The following HTR3C variants were observed in gnomAD, a reference collection of about 807,000 sequenced individuals.
HTR3C encodes 5-HT3-C.
HTR3C carries 32 observed loss-of-function variants against 40.5 expected under a neutral mutation model. The observed-to-expected ratio is 0.79, with a 90% CI of 0.60 to 1.06. The LOEUF is 1.06. HTR3C is among the 50% of genes least tolerant of loss of function. The pLI is 0.00. For missense variants in HTR3C, 523 were observed against 556.8 expected, an observed-to-expected ratio of 0.94 and a Z score of 0.61; for synonymous variants, 209 against 217.1, an observed-to-expected ratio of 0.96 and a Z score of 0.33.
rs1362486690 is a variant in HTR3C at position 184,060,285 on chromosome 3, T to C, written c.1277T>C (p.Leu426Pro). The C allele has an allele frequency of 6.2e-7, 1 of 1,614,146 alleles. No homozygotes were observed. The highest frequency in any genetic ancestry group is 8.5e-7 in the Non-Finnish European group (1 of 1,180,030). ...TTCAGCCACGCGATGGACACCCTGC[T>C]CTTCCGCCTCTACCTGCTCTTCATG... Reference protein sequence around the residue: ...VQFSHAMDTLLFRLYLLFMAS... With the variant: ...VQFSHAMDTLPFRLYLLFMAS... The change falls in exon 9 of 9, where the codon CTC becomes CCC. Residue 426 changes from leucine (L) to proline (P), a missense_variant. Transcript: ENST00000318351.
At position 184,059,607 on chromosome 3, in the gene HTR3C, G is replaced by A. The variant is rs1349135932; in HGVS notation, c.892G>A (p.Asp298Asn). Residue 298 changes from aspartate to asparagine, a missense_variant, in exon 7 of 9, where the codon GAC (aspartate) becomes AAC (asparagine). Transcript: ENST00000318351. ...GYNVFLLMMN[D>N]LLPASGTPLI... ...CAACGTCTTCCTGCTCATGATGAAT[G>A]ACTTGCTCCCTGCCAGTGGCACCCC... The A allele has an allele frequency of 6.2e-7, 1 of 1,614,096 alleles. No homozygotes were observed. The highest frequency in any genetic ancestry group is 1.1e-5 in the South Asian group (1 of 91,062).
intron 1 of HTR3C, among the ~76,000 whole-genome samples, chr3:184,054,316 G>T (rs964191551): frequency 6.6e-6 from 1 of 152,182 alleles, no homozygotes; most frequent in Non-Finnish European, 1.5e-5. Flanking sequence ...CTAAGAGTTA[G>T]AGAGAGAAAT....
chr3:184,054,598 T>C, intron 1 of HTR3C, 123 bp from the exon 2 acceptor site: 2 of 774,324 alleles, frequency 2.6e-6, no homozygotes, highest in East Asian at 3.0e-5. Flanking sequence ...CCTTGGGGAG[T>C]CTTGGCATGG....
intron 1 of HTR3C, among the ~76,000 whole-genome samples, chr3:184,053,841 G>T (rs1246026159): frequency 6.6e-6 from 1 of 152,146 alleles, no homozygotes; most frequent in Admixed American, 6.5e-5. Context: ...TGCAACCTCC[G>T]CCTCTCGGGT....
intron 2 of HTR3C, 124 bp from the exon 3 acceptor site, chr3:184,055,188 A>G: frequency 1.4e-6 from 1 of 739,712 alleles, no homozygotes; most frequent in Non-Finnish European, 2.4e-6. Flanking sequence ...GAGTGAGGAA[A>G]AGACAATTCA....
Position 184,059,828 on chromosome 3 carries a change from GTGTCTACTTCGCCCTGTGCC to G in HTR3C, c.931_950del (p.Tyr311ProfsTer28), listed in dbSNP as rs1414146732. On this transcript the variant is annotated frameshift_variant and splice_region_variant, in exon 8 of 9. Coordinates refer to ENST00000318351, the MANE Select transcript of HTR3C (RefSeq NM_130770.3). LOFTEE classifies it high-confidence loss of function. The stretch of plus-strand genomic sequence containing the variant: ...TATTTATAATTTGCTCTGCCCTCAG[GTGTCTACTTCGCCCTGTGCC>G]TGTCCCTGATGGTGGTCAGCCTGCT... 6.2e-7 allele frequency: 1 copy of G among 1,614,018 alleles called. No individual in the cohort carries two copies. Among genetic ancestry groups the G allele is most frequent in the Non-Finnish European group, 8.5e-7 (1 of 1,179,982 alleles).
chr3:184,058,530 C>G lies in HTR3C; in HGVS notation c.663C>G (p.Asn221Lys). ...GGGAGTGGGAGCTCTTGGGCATCAA[C>G]AAGGCCACCCCAAAGATGTCCATGG... ...TQGEWELLGI[N>K]KATPKMSMGN... Residue 221 changes from asparagine (N) to lysine (K), a missense_variant, in exon 6 of 9, where the codon AAC (asparagine) becomes AAG (lysine). By Grantham distance (94) the Asn-to-Lys change is moderately conservative. Transcript: ENST00000318351. 6.2e-7 allele frequency: 1 copy of G among 1,613,666 alleles called. No individual in the cohort carries two copies. The highest frequency in any genetic ancestry group is 8.5e-7 in the Non-Finnish European group (1 of 1,179,840).
chr3:184,058,790 C>A (rs868695880), intron 6 of HTR3C, among the ~76,000 whole-genome samples: 22 of 152,094 alleles, frequency 1.4e-4, no homozygotes, highest in Middle Eastern at 6.8e-3. Flanking sequence ...TGGTGAAACC[C>A]CGTCTCTAAT....
At chr3:184,056,150 C>G in intron 3 of HTR3C, 27 bp from the exon 4 acceptor site, 1 of 1,455,332 alleles carries the variant, frequency 6.9e-7, no homozygotes, top group Non-Finnish European at 9.7e-7. Flanking sequence ...CCGTCACTCA[C>G]CTCTGTCCCT....
intron 2 of HTR3C, 131 bp downstream of exon 2, chr3:184,055,018 AT>A (rs1723296471): frequency 2.6e-5 from 23 of 900,416 alleles, no homozygotes; most frequent in Admixed American, 1.1e-4. Context: ...CGCAAGTTAG[AT>A]GCTTTTCCTA....
chr3:184,059,483 G>T lies in HTR3C; in HGVS notation c.768G>T (p.Val256=), dbSNP rs149942453. Residue 256 remains valine, a synonymous_variant, in exon 7 of 9, where the codon GTG becomes GTT. Coordinates refer to ENST00000318351, the MANE Select transcript of HTR3C (RefSeq NM_130770.3). ...GCCTCTACATCATAAACCTGCTGGT[G>T]CCCAGTAGCTTTCTGGTTGCCATTG... ...RPSLYIINLL[V]PSSFLVAIDA... is the part of the protein sequence containing the mutation. 174 of 1,614,152 alleles carry T rather than the reference G, an allele frequency of 1.1e-4. No individual in the cohort carries two copies. In the African/African-American group the frequency reaches 2.0e-3, roughly 19 times the overall value.
At chr3:184,056,044 G>C in intron 3 of HTR3C, 133 bp from the exon 4 acceptor site, 1 of 626,460 alleles carries the variant, frequency 1.6e-6, no homozygotes, top group South Asian at 1.9e-5. Flanking sequence ...AAGAATGGGG[G>C]GATAGGCTGT....
In HTR3C at chr3:184,055,214, C is replaced by T. The variant is rs1315150393; in HGVS notation, c.235-98C>T. On this transcript the variant is annotated intron_variant, in intron 2 of 8. Coordinates refer to ENST00000318351, the MANE Select transcript of HTR3C (RefSeq NM_130770.3). ...AGACAATTCAGCATCTACAACAATGCCTGGCCCAATAAATTAGTAAATATT... is the reference window on the plus strand; with the variant it reads ...AGACAATTCAGCATCTACAACAATGTCTGGCCCAATAAATTAGTAAATATT... 9.4e-6 allele frequency: 8 copies of T among 853,646 alleles called. No individual in the cohort carries two copies. The African/African-American group carries it at 1.0e-4, about 11-fold the overall frequency. The allele number at this position is 853,646 out of a possible 1,614,324, so 52.9% of individuals were successfully genotyped here. A position where few individuals can be genotyped will look rare whatever the true frequency, so the allele number is the denominator to read the frequency against.
intron 8 of HTR3C, 39 bp downstream of exon 8, chr3:184,060,082 C>G (rs1001024372): frequency 1.2e-6 from 2 of 1,603,790 alleles, no homozygotes; most frequent in Non-Finnish European, 8.5e-7. Context: ...GCCCTTCACA[C>G]TGGGCCCAGC....
intron 3 of HTR3C, 53 bp from the exon 4 acceptor site, chr3:184,056,124 C>T (rs1356735870): frequency 5.9e-6 from 7 of 1,192,800 alleles, no homozygotes; most frequent in Admixed American, 1.7e-5. Context: ...TGGGAGAGGC[C>T]GACAGGACAA....
At chr3:184,054,639 C>A (rs1264968881) in intron 1 of HTR3C, 82 bp from the exon 2 acceptor site, 4 of 1,221,884 alleles carry the variant, frequency 3.3e-6, no homozygotes, top group Non-Finnish European at 4.5e-6. Context: ...CCTCTCAGTA[C>A]GTCCCCTATT....
At chr3:184,055,578 G>C (rs958114474) in intron 3 of HTR3C, among the ~76,000 whole-genome samples, 11 of 151,954 alleles carry the variant, frequency 7.2e-5, no homozygotes, top group Non-Finnish European at 1.3e-4. Context: ...GCTGGGCATG[G>C]TGGCAGGTGC....
At chr3:184,055,000 G>A in intron 2 of HTR3C, 113 bp downstream of exon 2, 2 of 1,040,470 alleles carry the variant, frequency 1.9e-6, no homozygotes, top group South Asian at 3.2e-5. Flanking sequence ...CACCCTGGAT[G>A]GATTTAACGC....
intron 5 of HTR3C, among the ~76,000 whole-genome samples, chr3:184,057,759 CAAA>C (rs1393404480): frequency 4.9e-5 from 6 of 121,770 alleles, no homozygotes; most frequent in African/African-American, 1.8e-4. Flanking sequence ...CAAAACAAAA[CAAA>C]AAACAAAAAC....
Sources: gnomAD v4.1 joint callset for allele counts (sites outside exome capture counted in the v4.1 genomes callset) on GRCh38, gnomAD v4.1.1 for gene constraint, MANE v1.5 for transcripts, NCBI Gene and HGNC (gene_info 2026-07-23, HGNC 2026-07-21) for gene names.